The following SARM1 variants were observed in gnomAD, a reference collection of about 807,000 sequenced individuals.
SARM1 encodes the protein sterile alpha and TIR motif containing 1.
Under a neutral mutation model 65.1 loss-of-function variants are expected in SARM1, and 60 were observed. The observed-to-expected ratio is 0.92, with a 90% CI of 0.75 to 1.14. The LOEUF is 1.14. Ranked by LOEUF, SARM1 falls within the 50% of genes most tolerant of loss-of-function variation. The pLI is 0.00. For missense variants in SARM1, 913 were observed against 1,015.7 expected (o/e 0.90, Z 1.37); for synonymous variants, 417 against 465.4 (o/e 0.90, Z 1.34).
rs2068037424 is a variant in SARM1, at chr17:28,384,079, C to T, written c.1090-278C>T. Among the ~76,000 whole-genome samples, 1 of 152,140 alleles carries T rather than the reference C, an allele frequency of 6.6e-6. No individual in the cohort carries two copies. The highest frequency in any genetic ancestry group is 2.1e-4 in the South Asian group (1 of 4,826). On this transcript the variant is annotated intron_variant, in intron 2 of 8. Transcript: ENST00000585482. The surrounding 1 kb of genome is among the most constrained non-coding windows in gnomAD (Gnocchi z 4.4). ...GCCCTGCCTGGCGCTATGCTGAGAG[C>T]TCAACTTTATTCCAGGGCCGGTGGA...
At chr17:28,381,947 G>A in intron 2 of SARM1, 126 bp downstream of exon 2, 1 of 1,206,840 alleles carries the variant, frequency 8.3e-7, no homozygotes, top group Non-Finnish European at 1.1e-6. Context: ...AGACAAAGGA[G>A]GAGCGGGCCA....
chr17:28,392,684 GC>G (rs1306419264), intron 7 of SARM1, among the ~76,000 whole-genome samples: 2 of 152,118 alleles, frequency 1.3e-5, no homozygotes, highest in Non-Finnish European at 2.9e-5. Flanking sequence ...TCCTCTCTGG[GC>G]TTTTTTCTCT....
At position 28,385,109 on chromosome 17, in the gene SARM1, G is replaced by C. The variant is rs782662898; in HGVS notation, c.1464G>C (p.Ala488=). 6.2e-7 allele frequency: 1 copy of C among 1,613,766 alleles called. No individual in the cohort carries two copies. Among genetic ancestry groups the C allele is most frequent in the South Asian group, 1.1e-5 (1 of 91,064 alleles). The change falls in exon 5 of 9, where the codon GCG becomes GCC. Residue 488 remains alanine (A), a synonymous_variant. Coordinates refer to ENST00000585482, the MANE Select transcript of SARM1 (RefSeq NM_015077.4). The surrounding 1 kb of genome is among the most constrained non-coding windows in gnomAD (Gnocchi z 4.5). ...NYSTCDRSNL[A]DWLGSLDPRF... ...CTACGTGCGACCGCAGCAACCTGGC[G>C]GACTGGCTGGGCAGCCTGGACCCGC...
intron 1 of SARM1, among the ~76,000 whole-genome samples, chr17:28,375,364 C>T (rs570992971): frequency 0.059 from 18 of 306 alleles, no homozygotes; most frequent in African/African-American, 0.22. Context: ...TTGGGAGGCC[C>T]AGGCGGGAGA....
chr17:28,390,936 C>T (rs2068076997), intron 7 of SARM1, among the ~76,000 whole-genome samples: 1 of 152,278 alleles, frequency 6.6e-6, no homozygotes, highest in Admixed American at 6.5e-5. Context: ...AATAATGTTC[C>T]CCTGGCTGCA....
At chr17:28,383,953 C>G (rs2068037034) in intron 2 of SARM1, among the ~76,000 whole-genome samples, 1 of 152,140 alleles carries the variant, frequency 6.6e-6, no homozygotes, top group South Asian at 2.1e-4. Context: ...GGCCAAGACC[C>G]AGAGGTGTGA....
intron 7 of SARM1, 172 bp from the exon 8 acceptor site, chr17:28,395,733 T>G: frequency 4.6e-6 from 3 of 647,228 alleles, no homozygotes; most frequent in Non-Finnish European, 2.6e-6. Context: ...AAAGGAAAAA[T>G]ATTTATTTTT....
rs1418355118 is a variant in SARM1, at chr17:28,384,100, G to A, written c.1090-257G>A. Among the ~76,000 whole-genome samples the A allele has an allele frequency of 6.6e-6, 1 of 152,194 alleles. No individual in the cohort carries two copies. The highest frequency in any genetic ancestry group is 1.9e-4 in the East Asian group (1 of 5,190). On this transcript the variant is annotated intron_variant, in intron 2 of 8. Transcript: ENST00000585482. This position sits in a 1 kb window ranked among gnomAD's most constrained non-coding sequence, Gnocchi z 4.4. The stretch of plus-strand genomic sequence containing the variant: ...AGAGCTCAACTTTATTCCAGGGCCG[G>A]TGGATGCTGTAGAAGGGATATAAAG...
Position 28,397,716 on chromosome 17 carries a change from G to A in SARM1, c.*1430G>A, listed in dbSNP as rs1293020763. On this transcript the variant is annotated 3_prime_UTR_variant, in exon 9 of 9. Transcript: ENST00000585482. ...AAAAAGCTGACCCAGAGGCCATACA[G>A]AGCAGGAATATCCCATTGCCCCCTC... 6.6e-6 allele frequency: 1 copy of A among 152,264 alleles called. No individual in the cohort carries two copies. Among genetic ancestry groups the A allele is most frequent in the African/African-American group, 2.4e-5 (1 of 41,450 alleles). 9.4% of individuals were successfully genotyped at this position (152,264 alleles called of 1,614,324 possible).
chr17:28,380,000 AT>A (rs1555584985), intron 1 of SARM1, among the ~76,000 whole-genome samples: 1 of 138,564 alleles, frequency 7.2e-6, no homozygotes, highest in Non-Finnish European at 1.6e-5. Flanking sequence ...TTTCTTCTTG[AT>A]TTGAATATTT....
rs781991419 is a variant in SARM1 at position 28,384,927 on chromosome 17, A to G, written c.1391A>G (p.Lys464Arg). 6.4e-7 allele frequency: 1 copy of G among 1,568,540 alleles called. No homozygotes were observed. Among genetic ancestry groups the G allele is most frequent in the Non-Finnish European group, 8.6e-7 (1 of 1,156,736 alleles). The change falls in exon 4 of 9, where the codon AAG (lysine) becomes AGG (arginine). Residue 464 changes from lysine (K) to arginine (R), a missense_variant. By Grantham distance (26) the Lys-to-Arg change is conservative (BLOSUM62 2). Around this residue, in one of 3 missense-constraint regions of SARM1, gnomAD observed 862 missense variants for 952.1 expected, o/e 0.91. Transcript: ENST00000585482. This position sits in a 1 kb window ranked among gnomAD's most constrained non-coding sequence, Gnocchi z 4.4. ...GGCATGAAATCGGGCATCACCCGCA[A>G]GAGGTACGGAGCCTCCTGCCCGCCG... ...DLGMKSGITRKRFFRELTELK... is the reference protein window; with the variant it reads ...DLGMKSGITRRRFFRELTELK...
intron 5 of SARM1, chr17:28,386,486 A>G (rs943293627): frequency 4.6e-5 from 7 of 152,164 alleles, no homozygotes; most frequent in African/African-American, 7.2e-5. Context: ...AAGTCATTAG[A>G]TGGCAAAACT....
At chr17:28,373,181 AGT>A (rs2067968271) in intron 1 of SARM1, 1 of 152,256 alleles carries the variant, frequency 6.6e-6, no homozygotes, top group Non-Finnish European at 1.5e-5. Flanking sequence ...GACCAGGCAG[AGT>A]GTGTGTTCTC....
chr17:28,375,413 A>G (rs1432550690), intron 1 of SARM1, among the ~76,000 whole-genome samples: 3 of 151,892 alleles, frequency 2.0e-5, no homozygotes, highest in African/African-American at 7.3e-5. Context: ...TCTGGCCAAC[A>G]TGGTGAAACC....
chr17:28,372,053 C>T lies in SARM1; in HGVS notation c.21C>T (p.Leu7=). Residue 7 remains leucine (L), a synonymous_variant, in exon 1 of 9, where the codon CTC becomes CTT. Coordinates refer to ENST00000585482, the MANE Select transcript of SARM1 (RefSeq NM_015077.4). This position sits in a 1 kb window ranked among gnomAD's most constrained non-coding sequence, Gnocchi z 5.2. The stretch of plus-strand genomic sequence containing the variant: ...CGCCCATGGTCCTGACGCTGCTTCT[C>T]TCCGCCTACAAGCTGTGTCGCTTCT... MVLTLL[L]SAYKLCRFFA... 7 of 1,506,434 alleles carry T rather than the reference C, an allele frequency of 4.6e-6. No homozygotes were observed. The highest frequency in any genetic ancestry group is 2.0e-5 in the Admixed American group (1 of 49,028). The allele number at this position is 1,506,434 out of a possible 1,614,324, so 93.3% of individuals were successfully genotyped here.
In SARM1 at chr17:28,381,263, C is replaced by G. The variant is rs371552122; in HGVS notation, c.531C>G (p.Pro177=). 22 of 1,610,410 alleles carry G rather than the reference C, an allele frequency of 1.4e-5. No individual in the cohort carries two copies. The highest frequency in any genetic ancestry group is 3.3e-4 in the Middle Eastern group (2 of 6,056). Residue 177 remains proline (P), a synonymous_variant, in exon 2 of 9, where the codon CCC becomes CCG. Transcript: ENST00000585482. The stretch of plus-strand genomic sequence containing the variant: ...TGAACCTGGCGAAGGAACGCGAACC[C>G]GTAGAGCTGGCGCGGAGCGTGGCAG... The part of the protein sequence containing the change: ...VILNLAKERE[P]VELARSVAGI...
Position 28,371,944 on chromosome 17 carries a change from C to A in SARM1, c.-89C>A, listed in dbSNP as rs1046610628. ...CTCCCCCTCCATCTTCTTTCCCCGACCCCTCTCGGGTCCCTCTTTTCCCAA... is the reference window on the plus strand; with the variant it reads ...CTCCCCCTCCATCTTCTTTCCCCGAACCCTCTCGGGTCCCTCTTTTCCCAA... On this transcript the variant is annotated 5_prime_UTR_variant, in exon 1 of 9. Transcript: ENST00000585482. The A allele has an allele frequency of 1.6e-5, 15 of 960,336 alleles. No individual in the cohort carries two copies. Among genetic ancestry groups the A allele is most frequent in the Non-Finnish European group, 2.2e-5 (15 of 696,682 alleles). The allele number at this position is 960,336 out of a possible 1,614,324, so 59.5% of individuals were successfully genotyped here.
At chr17:28,375,119 G>T (rs1555584482) in intron 1 of SARM1, among the ~76,000 whole-genome samples, 1 of 151,916 alleles carries the variant, frequency 6.6e-6, no homozygotes, top group Non-Finnish European at 1.5e-5. Flanking sequence ...ACTACCAGAA[G>T]TCCAACAGAA....
rs1445440550 is a variant in SARM1, at chr17:28,402,232, A to G, written c.*5946A>G. The G allele has an allele frequency of 1.2e-6, 2 of 1,611,156 alleles. No individual in the cohort carries two copies. Among genetic ancestry groups the G allele is most frequent in the Admixed American group, 1.7e-5 (1 of 59,702 alleles). ...GAACCAGACACAGGTGGGTTCTGAC[A>G]CTCACCCTGCTCTGTCTCTCTCACC... is the stretch of plus-strand genomic sequence containing the variant. On this transcript the variant is annotated 3_prime_UTR_variant, in exon 9 of 9. Transcript: ENST00000585482.
Sources: allele counts gnomAD v4.1 joint callset (sites outside exome capture counted in the v4.1 genomes callset), GRCh38; gene constraint gnomAD v4.1.1; regional missense constraint gnomAD v4.1.1; non-coding constraint Gnocchi (gnomAD v3.1); transcripts MANE v1.5; gene names NCBI Gene and HGNC (gene_info 2026-07-23, HGNC 2026-07-21).